The following DLX6 variants were observed in gnomAD, a reference collection of about 807,000 sequenced individuals.
DLX6 encodes homeobox protein DLX-6.
Under a neutral mutation model 33.5 loss-of-function variants are expected in DLX6, and 4 were observed. The ratio of observed to expected loss-of-function variants is 0.12; its 90% CI spans 0.06 to 0.27. The LOEUF (loss-of-function observed/expected upper bound fraction) is 0.27. Ranked by LOEUF, DLX6 falls within the 10% of genes least tolerant of loss-of-function variation. DLX6 has a pLI of 1.00. For missense variants in DLX6, 382 were observed against 393.3 expected (o/e 0.97, Z 0.24); for synonymous variants, 184 against 164.8 (o/e 1.12, Z -0.89).
chr7:97,009,964 C>G lies in DLX6; in HGVS notation c.799C>G (p.Pro267Ala). 1 of 1,613,068 alleles carries G rather than the reference C, an allele frequency of 6.2e-7. No homozygotes were observed. Among genetic ancestry groups the G allele is most frequent in the African/African-American group, 1.3e-5 (1 of 75,030 alleles). ...VSASAKGVSM[P>A]PNSYMPGYSH... The stretch of plus-strand genomic sequence containing the variant: ...TGCCTCGGCCAAGGGTGTCAGTATG[C>G]CCCCCAACAGCTACATGCCTGGCTA... The change falls in exon 3 of 3, where the codon CCC (proline) becomes GCC (alanine). Residue 267 changes from proline (P) to alanine (A), a missense_variant. Physicochemically the swap from Pro to Ala is conservative, Grantham distance 27. This residue lies in a region of DLX6 where 96 missense variants were observed against 93.3 expected (regional missense o/e 1.03). Coordinates refer to ENST00000518156, the MANE Select transcript of DLX6 (RefSeq NM_005222.4).
rs1320290110 is a variant in DLX6, at chr7:97,010,195, T to C, written c.*148T>C. ...GCCGACTAGGCTCATTCTCTCTCCC[T>C]CTCTCTCTCTCTCCCTCTCCTTTCT... On this transcript the variant is annotated 3_prime_UTR_variant, in exon 3 of 3. Coordinates refer to ENST00000518156, the MANE Select transcript of DLX6 (RefSeq NM_005222.4). The C allele has an allele frequency of 1.4e-5, 8 of 582,446 alleles. No individual in the cohort carries two copies. Among genetic ancestry groups the C allele is most frequent in the East Asian group, 3.8e-5 (1 of 26,382 alleles). 36.1% of individuals were successfully genotyped at this position (582,446 alleles called of 1,614,324 possible).
At position 97,005,799 on chromosome 7, in the gene DLX6, G is replaced by T; in HGVS notation, c.-179G>T. 2.2e-6 allele frequency: 1 copy of T among 463,678 alleles called. No individual in the cohort carries two copies. 28.7% of individuals were successfully genotyped at this position (463,678 alleles called of 1,614,324 possible). A position where few individuals can be genotyped will look rare whatever the true frequency, so the allele number is the denominator to read the frequency against. ...TTAAATATATATATATATTAGAGAA[G>T]AGCGAGGGAGAGGGAGAACCACCTC... On this transcript the variant is annotated 5_prime_UTR_variant, in exon 1 of 3. Transcript: ENST00000518156.
chr7:97,007,373 A>G lies in DLX6; in HGVS notation c.437-265A>G. On this transcript the variant is annotated intron_variant, in intron 1 of 2. Transcript: ENST00000518156. Reference sequence around the variant, plus strand: ...CCTCCGGCACCGCCTCCGCTGCGGCAAAGCGGGCTGTTTGTCTGAGGGCCT... The same window carrying G: ...CCTCCGGCACCGCCTCCGCTGCGGCGAAGCGGGCTGTTTGTCTGAGGGCCT... 6.7e-6 allele frequency: 4 copies of G among 598,088 alleles called. No homozygotes were observed. The South Asian group carries it at 8.2e-5, about 12-fold the overall frequency. 37.0% of individuals were successfully genotyped at this position (598,088 alleles called of 1,614,324 possible). A position where few individuals can be genotyped will look rare whatever the true frequency, so the allele number is the denominator to read the frequency against.
At position 97,010,446 on chromosome 7, in the gene DLX6, G is replaced by C. The variant is rs1789822758; in HGVS notation, c.*399G>C. Reference sequence around the variant, plus strand: ...GTAAGGATATTTTCTCTTACCCCTTGGGATCCAGGCTCTGAGTCTCTTCTC... The same window carrying C: ...GTAAGGATATTTTCTCTTACCCCTTCGGATCCAGGCTCTGAGTCTCTTCTC... On this transcript the variant is annotated 3_prime_UTR_variant, in exon 3 of 3. Transcript: ENST00000518156. The C allele has an allele frequency of 6.0e-6, 1 of 165,870 alleles. No individual in the cohort carries two copies. The highest frequency in any genetic ancestry group is 1.8e-4 in the South Asian group (1 of 5,564). 10.3% of individuals were successfully genotyped at this position (165,870 alleles called of 1,614,324 possible).
chr7:97,010,022 C>CGAT lies in DLX6; in HGVS notation c.859_861dup (p.Met287dup). The stretch of plus-strand genomic sequence containing the variant: ...TGGTACTCCTCTCCACACCAGGACA[C>CGAT]GATGCAGAGACCACAGATGATGTGA... On this transcript the variant is annotated inframe_insertion, in exon 3 of 3. Transcript: ENST00000518156. 1 of 1,599,944 alleles carries CGAT rather than the reference C, an allele frequency of 6.3e-7. No individual in the cohort carries two copies. The highest frequency in any genetic ancestry group is 8.5e-7 in the Non-Finnish European group (1 of 1,172,944).
At chr7:97,007,540 T>C (rs771777585) in intron 1 of DLX6, 98 bp from the exon 2 acceptor site, 12 of 1,164,666 alleles carry the variant, frequency 1.0e-5, no homozygotes, top group Admixed American at 5.9e-5. Flanking sequence ...GTAACCCTTA[T>C]TGGGCTTTGG....
chr7:97,006,284 G>A lies in DLX6; in HGVS notation c.307G>A (p.Gly103Ser). ...CCACCACGGCTCGCCCTACGCGTCG[G>A]GCGGAGGGAACTCCTACAACCACCG... Reference protein sequence around the residue: ...HHHHGSPYASGGGNSYNHRSL... With the variant: ...HHHHGSPYASSGGNSYNHRSL... Residue 103 changes from glycine to serine, a missense_variant, in exon 1 of 3, where the codon GGC (glycine) becomes AGC (serine). Physicochemically the swap from Gly to Ser is moderately conservative, Grantham distance 56. Coordinates refer to ENST00000518156, the MANE Select transcript of DLX6 (RefSeq NM_005222.4). 1 of 1,531,258 alleles carries A rather than the reference G, an allele frequency of 6.5e-7. No homozygotes were observed. Among genetic ancestry groups the A allele is most frequent in the Non-Finnish European group, 8.8e-7 (1 of 1,137,016 alleles). The allele number at this position is 1,531,258 out of a possible 1,614,324, so 94.9% of individuals were successfully genotyped here.
rs573173622 is a variant in DLX6, at chr7:97,010,272, C to T, written c.*225C>T. 3 of 517,716 alleles carry T rather than the reference C, an allele frequency of 5.8e-6. No homozygotes were observed. The highest frequency in any genetic ancestry group is 9.9e-6 in the Non-Finnish European group (3 of 301,618). 32.1% of individuals were successfully genotyped at this position (517,716 alleles called of 1,614,324 possible). On this transcript the variant is annotated 3_prime_UTR_variant, in exon 3 of 3. Coordinates refer to ENST00000518156, the MANE Select transcript of DLX6 (RefSeq NM_005222.4). ...TTCTTTCTTTCCTTTTCCTTTCTACCTTTCTTTTCTTTTTGCCTTTCACCT... is the reference window on the plus strand; with the variant it reads ...TTCTTTCTTTCCTTTTCCTTTCTACTTTTCTTTTCTTTTTGCCTTTCACCT...
At chr7:97,007,028 G>T (rs182667906) in intron 1 of DLX6, 173 of 162,578 alleles carry the variant, frequency 1.1e-3, no homozygotes, top group African/African-American at 4.1e-3. Context: ...TTTGTTCGTG[G>T]AGGGGAAGCA....
intron 2 of DLX6, 60 bp downstream of exon 2, chr7:97,007,891 G>A: frequency 2.0e-6 from 3 of 1,464,760 alleles, no homozygotes; most frequent in Non-Finnish European, 2.7e-6. Flanking sequence ...GATCGGGCAG[G>A]GAGCACATCA....
At position 97,006,120 on chromosome 7, in the gene DLX6, C is replaced by CAACAGCAACA; in HGVS notation, c.143_144insAACAGCAACA (p.Pro49ThrfsTer109). ...CAGCAACAGCAACAGCCGCCGCCGC[C>CAACAGCAACA]GCCGCCGCCGCCGCCGCAGCCGCAC... On this transcript the variant is annotated frameshift_variant, in exon 1 of 3. Transcript: ENST00000518156. LOFTEE classifies it high-confidence loss of function. 2 of 1,533,020 alleles carry CAACAGCAACA rather than the reference C, an allele frequency of 1.3e-6. No homozygotes were observed. Among genetic ancestry groups the CAACAGCAACA allele is most frequent in the South Asian group, 2.4e-5 (2 of 81,868 alleles). 95.0% of individuals were successfully genotyped at this position (1,533,020 alleles called of 1,614,324 possible).
intron 1 of DLX6, chr7:97,006,931 C>G (rs1349882020): frequency 6.5e-6 from 1 of 153,040 alleles, no homozygotes; most frequent in Non-Finnish European, 1.5e-5. Flanking sequence ...AACAGTCAGG[C>G]TCTTTCCAGT....
chr7:97,007,403 C>T, intron 1 of DLX6: 1 of 603,118 alleles, frequency 1.7e-6, no homozygotes, highest in Non-Finnish European at 2.9e-6. Context: ...GGGCCTCTGG[C>T]GCTCCCTTGG....
In DLX6 at chr7:97,006,310, C is replaced by T. The variant is rs749816102; in HGVS notation, c.333C>T (p.Arg111=). The T allele has an allele frequency of 1.3e-6, 2 of 1,524,624 alleles. No homozygotes were observed. Among genetic ancestry groups the T allele is most frequent in the Non-Finnish European group, 1.8e-6 (2 of 1,133,414 alleles). The allele number at this position is 1,524,624 out of a possible 1,614,324, so 94.4% of individuals were successfully genotyped here. The change falls in exon 1 of 3, where the codon CGC becomes CGT. Residue 111 remains arginine (R), a synonymous_variant. Coordinates refer to ENST00000518156, the MANE Select transcript of DLX6 (RefSeq NM_005222.4). ...GCGGAGGGAACTCCTACAACCACCG[C>T]TCGCTCGCCGCCTACCCCTACATGA... ...ASGGGNSYNH[R]SLAAYPYMSH...
rs770306701 is a variant in DLX6, at chr7:97,006,166, C to T, written c.189C>T (p.Ala63=). The change falls in exon 1 of 3, where the codon GCC becomes GCT. Residue 63 remains alanine, a synonymous_variant. Transcript: ENST00000518156. ...PQPHSQQSSP[A]MAGAHYPLHC... ...CGCACTCGCAGCAGAGCTCCCCGGC[C>T]ATGGCAGGCGCGCACTACCCTCTGC... 4.7e-5 allele frequency: 72 copies of T among 1,543,538 alleles called. No homozygotes were observed. The highest frequency in any genetic ancestry group is 7.2e-5 in the South Asian group (6 of 83,806).
chr7:97,009,798 G>A lies in DLX6; in HGVS notation c.633G>A (p.Val211=), dbSNP rs1562792541. The stretch of plus-strand genomic sequence containing the variant: ...AATGATTGCTGCATTTCTTGCAGGT[G>A]AAGATATGGTTTCAGAACAAACGCT... ...AASLGLTQTQ[V]KIWFQNKRSK... Residue 211 remains valine (V), a splice_region_variant and synonymous_variant, in exon 3 of 3, where the codon GTG becomes GTA. Transcript: ENST00000518156. 6.2e-7 allele frequency: 1 copy of A among 1,612,766 alleles called. No individual in the cohort carries two copies. Among genetic ancestry groups the A allele is most frequent in the Non-Finnish European group, 8.5e-7 (1 of 1,178,860 alleles).
intron 2 of DLX6, 104 bp from the exon 3 acceptor site, chr7:97,009,692 T>G: frequency 6.6e-7 from 1 of 1,514,408 alleles, no homozygotes. Flanking sequence ...TTGTTTTTTG[T>G]TTTTTGTTTT....
In DLX6 at chr7:97,006,326, C is replaced by G; in HGVS notation, c.349C>G (p.Pro117Ala). ...SYNHRSLAAY[P>A]YMSHSQHSPY... Reference sequence around the variant, plus strand: ...CAACCACCGCTCGCTCGCCGCCTACCCCTACATGAGCCACTCGCAGCACAG... The same window carrying G: ...CAACCACCGCTCGCTCGCCGCCTACGCCTACATGAGCCACTCGCAGCACAG... The change falls in exon 1 of 3, where the codon CCC (proline) becomes GCC (alanine). Residue 117 changes from proline (P) to alanine (A), a missense_variant. Pro to Ala is a conservative substitution (Grantham distance 27, BLOSUM62 -1). Around this residue, in one of 4 missense-constraint regions of DLX6, gnomAD observed 257 missense variants for 206.9 expected, o/e 1.24. Transcript: ENST00000518156. 6.6e-7 allele frequency: 1 copy of G among 1,518,378 alleles called. No individual in the cohort carries two copies. The highest frequency in any genetic ancestry group is 1.3e-5 in the South Asian group (1 of 79,554). 94.1% of individuals were successfully genotyped at this position (1,518,378 alleles called of 1,614,324 possible). A position where few individuals can be genotyped will look rare whatever the true frequency, so the allele number is the denominator to read the frequency against.
Position 97,010,297 on chromosome 7 carries a change from T to C in DLX6, c.*250T>C. The C allele has an allele frequency of 2.2e-6, 1 of 452,216 alleles. No individual in the cohort carries two copies. Among genetic ancestry groups the C allele is most frequent in the Non-Finnish European group, 3.9e-6 (1 of 255,732 alleles). The allele number at this position is 452,216 out of a possible 1,614,324, so 28.0% of individuals were successfully genotyped here. On this transcript the variant is annotated 3_prime_UTR_variant, in exon 3 of 3. Coordinates refer to ENST00000518156, the MANE Select transcript of DLX6 (RefSeq NM_005222.4). ...CTTTCTTTTCTTTTTGCCTTTCACC[T>C]TTTTTCTCATTTACCTTCTCTCTTG...
Sources: gnomAD v4.1 joint callset for allele counts on GRCh38, gnomAD v4.1.1 for gene constraint, gnomAD v4.1.1 regional missense constraint, MANE v1.5 for transcripts, NCBI Gene and HGNC (gene_info 2026-07-23, HGNC 2026-07-21) for gene names.